The following L3MBTL4 variants were observed in gnomAD, a reference collection of about 807,000 sequenced individuals.
L3MBTL4 encodes lethal(3)malignant brain tumor-like protein 4.
In L3MBTL4, 70 loss-of-function variants were observed where a neutral mutation model predicts 84.5. The observed-to-expected ratio is 0.83, with a 90% CI of 0.68 to 1.01. The LOEUF is 1.01. Ranked by LOEUF, L3MBTL4 falls within the 50% of genes least tolerant of loss-of-function variation. L3MBTL4 has a pLI of 0.00. For missense variants in L3MBTL4, 715 were observed against 754.8 expected (o/e 0.95, Z 0.62); for synonymous variants, 274 against 259.8 (o/e 1.05, Z -0.52).
chr18:6,382,670 GT>G (rs2054641617), intron 1 of L3MBTL4, among the ~76,000 whole-genome samples: 1 of 152,190 alleles, frequency 6.6e-6, no homozygotes, highest in Non-Finnish European at 1.5e-5. Flanking sequence ...ATTGCTGCCT[GT>G]TTTTCCTCTG....
chr18:6,118,924 C>G (rs994970912), intron 14 of L3MBTL4, among the ~76,000 whole-genome samples: 1 of 148,318 alleles, frequency 6.7e-6, no homozygotes, highest in African/African-American at 2.5e-5. Context: ...ATGTTCACAT[C>G]AAGGTAAAAT....
At chr18:6,349,047 T>C (rs1224506932) in intron 1 of L3MBTL4, among the ~76,000 whole-genome samples, 1 of 152,162 alleles carries the variant, frequency 6.6e-6, no homozygotes, top group East Asian at 1.9e-4. Flanking sequence ...CAACACCAAG[T>C]GCTAGACAGA....
chr18:6,255,116 A>G (rs987991911), intron 5 of L3MBTL4, among the ~76,000 whole-genome samples: 1 of 152,194 alleles, frequency 6.6e-6, no homozygotes, highest in African/African-American at 2.4e-5. Context: ...CCAATGACTA[A>G]ACTCTTCCCA....
chr18:6,411,134 A>G (rs2055947392), intron 1 of L3MBTL4, among the ~76,000 whole-genome samples: 1 of 152,260 alleles, frequency 6.6e-6, no homozygotes, highest in Admixed American at 6.5e-5. Flanking sequence ...AAAAGATTAT[A>G]TGTGTATAAG....
chr18:6,400,841 G>A (rs1296443749), intron 1 of L3MBTL4, among the ~76,000 whole-genome samples: 1 of 152,196 alleles, frequency 6.6e-6, no homozygotes. Context: ...GAGGTTCAGA[G>A]AGAGACAAGC....
chr18:6,184,075 GTA>G (rs1457532214), intron 12 of L3MBTL4, among the ~76,000 whole-genome samples: 1 of 152,050 alleles, frequency 6.6e-6, no homozygotes, highest in Non-Finnish European at 1.5e-5. Context: ...CAAAATGGAA[GTA>G]TACACACACA....
intron 14 of L3MBTL4, among the ~76,000 whole-genome samples, chr18:6,093,766 AT>A (rs1392348568): frequency 6.6e-6 from 1 of 152,244 alleles, no homozygotes; most frequent in Non-Finnish European, 1.5e-5. Context: ...CACATACGGC[AT>A]TTATAATTTT....
chr18:6,127,900 C>T lies in L3MBTL4; in HGVS notation c.1199+10294G>A, dbSNP rs72874065. ...CTCCAGCAGTGCACACAAAGCCTCACGCCAGCTTTTTTTGGTGCCTCACTC... is the reference window on the plus strand; with the variant it reads ...CTCCAGCAGTGCACACAAAGCCTCATGCCAGCTTTTTTTGGTGCCTCACTC... On this transcript the variant is annotated intron_variant, in intron 14 of 18. Transcript: ENST00000317931. 1.8e-4 allele frequency among the ~76,000 whole-genome samples: 28 copies of T among 152,200 alleles called. 1 individual carries two copies. Among genetic ancestry groups the T allele is most frequent in the Admixed American group, 5.2e-4 (8 of 15,296 alleles).
chr18:6,410,086 A>G (rs2055902548), intron 1 of L3MBTL4, among the ~76,000 whole-genome samples: 1 of 152,152 alleles, frequency 6.6e-6, no homozygotes, highest in Non-Finnish European at 1.5e-5. Context: ...ACCAGTCTAA[A>G]TAAGCTGCAC....
intron 13 of L3MBTL4, among the ~76,000 whole-genome samples, chr18:6,149,225 T>A (rs972944668): frequency 2.6e-5 from 3 of 117,424 alleles, no homozygotes; most frequent in African/African-American, 9.8e-5. Context: ...CAGTCCCCAG[T>A]GTGTGATGTT....
At chr18:6,085,399 A>C (rs2058225899) in intron 15 of L3MBTL4, among the ~76,000 whole-genome samples, 1 of 152,242 alleles carries the variant, frequency 6.6e-6, no homozygotes. Flanking sequence ...CAAAATGTTA[A>C]TATAAATTAT....
intron 1 of L3MBTL4, among the ~76,000 whole-genome samples, chr18:6,327,684 C>T (rs981268097): frequency 6.6e-6 from 1 of 152,134 alleles, no homozygotes; most frequent in African/African-American, 2.4e-5. Context: ...AATTGCAATG[C>T]TTCACTTCTT....
intron 13 of L3MBTL4, among the ~76,000 whole-genome samples, chr18:6,164,212 C>T (rs1405769135): frequency 3.3e-5 from 5 of 152,234 alleles, no homozygotes; most frequent in Non-Finnish European, 7.3e-5. Context: ...CCCACCACAG[C>T]TCAAGGAGGC....
chr18:6,400,786 A>G (rs1451067878), intron 1 of L3MBTL4, among the ~76,000 whole-genome samples: 1 of 152,170 alleles, frequency 6.6e-6, no homozygotes, highest in Admixed American at 6.5e-5. Context: ...AAATGGCTTC[A>G]TGCTCACTCC....
Position 6,138,177 on chromosome 18 carries a change from A to C in L3MBTL4, c.1199+17T>G. On this transcript the variant is annotated intron_variant, in intron 14 of 18. Coordinates refer to ENST00000317931, the MANE Select transcript of L3MBTL4 (RefSeq NM_001330559.2). ...TTCCATTCATCCAGGAAATAACTTAAATAAGAAAAATGTTACCTGTGATGT... is the reference window on the plus strand; with the variant it reads ...TTCCATTCATCCAGGAAATAACTTACATAAGAAAAATGTTACCTGTGATGT... The C allele has an allele frequency of 6.4e-7, 1 of 1,557,816 alleles. No individual in the cohort carries two copies. Among genetic ancestry groups the C allele is most frequent in the African/African-American group, 1.4e-5 (1 of 73,840 alleles).
intron 15 of L3MBTL4, among the ~76,000 whole-genome samples, chr18:6,086,004 T>C (rs903325555): frequency 4.6e-5 from 7 of 152,226 alleles, no homozygotes; most frequent in Admixed American, 6.5e-5. Flanking sequence ...ATCTATATGT[T>C]ATGCTGTTTG....
At chr18:6,272,334 A>G (rs140812278) in intron 4 of L3MBTL4, among the ~76,000 whole-genome samples, 1 of 152,182 alleles carries the variant, frequency 6.6e-6, no homozygotes, top group South Asian at 2.1e-4. Context: ...CACCTCCTTC[A>G]TGAGGTAGGA....
At chr18:6,128,506 C>G (rs535959037) in intron 14 of L3MBTL4, among the ~76,000 whole-genome samples, 1 of 151,832 alleles carries the variant, frequency 6.6e-6, no homozygotes, top group Admixed American at 6.6e-5. Context: ...CATGATAGAG[C>G]GTGGGAAGAG....
At chr18:6,130,531 C>T (rs1287573748) in intron 14 of L3MBTL4, among the ~76,000 whole-genome samples, 1 of 152,132 alleles carries the variant, frequency 6.6e-6, no homozygotes, top group Non-Finnish European at 1.5e-5. Context: ...TGCCCTGTGT[C>T]CCACACAGGA....
Sources: gnomAD v4.1 joint callset for allele counts (sites outside exome capture counted in the v4.1 genomes callset) on GRCh38, gnomAD v4.1.1 for gene constraint, MANE v1.5 for transcripts, NCBI Gene and HGNC (gene_info 2026-07-23, HGNC 2026-07-21) for gene names.